Variants in ANKS1B observed in about 807,000 individuals in gnomAD.
ANKS1B encodes ankyrin repeat and sterile alpha motif domain-containing protein 1B.
A neutral mutation model predicts 148.3 loss-of-function variants in ANKS1B; 36 were observed. That is an observed-to-expected ratio of 0.24 (90% confidence interval 0.19 to 0.32). The LOEUF (loss-of-function observed/expected upper bound fraction) is 0.32. Among genes scored for constraint, ANKS1B ranks in the 10% least tolerant of loss-of-function variants. The probability of loss-of-function intolerance (pLI) is 1.00; values close to 1 mark genes in which losing one functional copy is unlikely to be tolerated. For missense variants in ANKS1B, 1,157 were observed against 1,542.6 expected (o/e 0.75, Z 4.19); for synonymous variants, 542 against 560.8 (o/e 0.97, Z 0.47).
chr12:98,740,551 T>C (rs910214930), downstream of ANKS1B, among the ~76,000 whole-genome samples: 3 of 152,200 alleles, frequency 2.0e-5, no homozygotes, highest in African/African-American at 7.2e-5. Context: ...CACCAATCCC[T>C]CTTACAGGCA....
At chr12:99,235,630 C>T (rs2087757579) in intron 14 of ANKS1B, among the ~76,000 whole-genome samples, 1 of 152,206 alleles carries the variant, frequency 6.6e-6, no homozygotes, top group Non-Finnish European at 1.5e-5. Flanking sequence ...TGTGAGAGAA[C>T]TGGCTACATA....
intron 17 of ANKS1B, among the ~76,000 whole-genome samples, chr12:98,978,808 T>TAAC (rs1158344140): frequency 6.6e-6 from 1 of 152,150 alleles, no homozygotes; most frequent in Admixed American, 6.5e-5. Context: ...TATATAATAA[T>TAAC]AACATATTTT....
At chr12:99,544,192 G>A (rs192855503) in intron 9 of ANKS1B, among the ~76,000 whole-genome samples, 54 of 152,190 alleles carry the variant, frequency 3.5e-4, no homozygotes, top group Non-Finnish European at 4.3e-4. Context: ...AATAAGTCTG[G>A]GTAATATGTG....
intron 17 of ANKS1B, among the ~76,000 whole-genome samples, chr12:98,846,577 C>T (rs749780754): frequency 6.6e-6 from 1 of 152,220 alleles, no homozygotes; most frequent in East Asian, 1.9e-4. Flanking sequence ...GATATGGAGA[C>T]AACTGATGAT....
chr12:99,632,364 T>A lies in ANKS1B; in HGVS notation c.1272+22703A>T, dbSNP rs555279966. Among the ~76,000 whole-genome samples the A allele has an allele frequency of 1.3e-4, 19 of 151,390 alleles. No homozygotes were observed. In the East Asian group the frequency reaches 3.6e-3, roughly 29 times the overall value. On this transcript the variant is annotated intron_variant, in intron 9 of 26. Coordinates refer to ENST00000683438, the MANE Select transcript of ANKS1B (RefSeq NM_001352186.2). ...GAAAGGAGTGACCACAGACAGCCCCTGCTAGAGCAAGAAAAAGTGGAAATG... is the reference window on the plus strand; with the variant it reads ...GAAAGGAGTGACCACAGACAGCCCCAGCTAGAGCAAGAAAAAGTGGAAATG...
At chr12:99,810,291 C>A (rs12300073) in intron 3 of ANKS1B, among the ~76,000 whole-genome samples, 39,593 of 151,702 alleles carry the variant, frequency 0.26, 5,504 homozygotes, top group Middle Eastern at 0.34. Context: ...TAGAACAGTG[C>A]CCGCTTTACC....
intron 12 of ANKS1B, among the ~76,000 whole-genome samples, chr12:99,299,162 GTAA>G (rs1222843600): frequency 6.6e-6 from 1 of 151,954 alleles, no homozygotes; most frequent in Non-Finnish European, 1.5e-5. Flanking sequence ...CTGGGCTCTA[GTAA>G]TCCTCCCACT....
intron 9 of ANKS1B, chr12:98,735,693 A>AAAT (rs2097769214): frequency 1.4e-6 from 1 of 694,674 alleles, no homozygotes; most frequent in African/African-American, 1.7e-5. Flanking sequence ...TTTGTTTAAT[A>AAAT]AATATTGAGA....
intron 1 of ANKS1B, among the ~76,000 whole-genome samples, chr12:99,899,522 T>C (rs527868412): frequency 9.2e-5 from 14 of 152,184 alleles, no homozygotes; most frequent in Non-Finnish European, 1.8e-4. Flanking sequence ...AAAAATATAC[T>C]AATATATATT....
chr12:99,148,625 A>T (rs1448348777), intron 15 of ANKS1B, among the ~76,000 whole-genome samples: 1 of 152,166 alleles, frequency 6.6e-6, no homozygotes, highest in Non-Finnish European at 1.5e-5. Flanking sequence ...CATTTCTTCT[A>T]GACTACTCAT....
chr12:98,815,376 T>G (rs1316810958), intron 19 of ANKS1B, among the ~76,000 whole-genome samples: 3 of 152,226 alleles, frequency 2.0e-5, no homozygotes, highest in Non-Finnish European at 4.4e-5. Flanking sequence ...TGATCACTCC[T>G]CCATTCCTTA....
intron 19 of ANKS1B, among the ~76,000 whole-genome samples, chr12:98,816,837 G>A (rs538137773): frequency 6.6e-6 from 1 of 152,212 alleles, no homozygotes; most frequent in African/African-American, 2.4e-5. Flanking sequence ...AGAGCAAGTA[G>A]ATGACAGCTC....
At chr12:99,131,313 A>C (rs957291354) in intron 15 of ANKS1B, among the ~76,000 whole-genome samples, 1 of 152,224 alleles carries the variant, frequency 6.6e-6, no homozygotes, top group African/African-American at 2.4e-5. Context: ...GCTTATTAAG[A>C]TGACTTTTCA....
intron 8 of ANKS1B, among the ~76,000 whole-genome samples, chr12:99,709,287 A>G (rs2056292689): frequency 6.6e-6 from 1 of 152,120 alleles, no homozygotes; most frequent in African/African-American, 2.4e-5. Context: ...TATAACAACT[A>G]TGGGTGCTGG....
chr12:99,463,069 T>C (rs2096012720), intron 10 of ANKS1B, among the ~76,000 whole-genome samples: 1 of 152,150 alleles, frequency 6.6e-6, no homozygotes. Flanking sequence ...CAAAATGGAA[T>C]AACACATGCT....
At chr12:99,213,002 C>G (rs1410717747) in intron 14 of ANKS1B, among the ~76,000 whole-genome samples, 1 of 152,200 alleles carries the variant, frequency 6.6e-6, no homozygotes, top group African/African-American at 2.4e-5. Flanking sequence ...AGGATTCACA[C>G]CTAGGTCAGT....
chr12:99,035,812 A>C (rs1421552823), intron 17 of ANKS1B, among the ~76,000 whole-genome samples: 1 of 152,166 alleles, frequency 6.6e-6, no homozygotes, highest in Non-Finnish European at 1.5e-5. Flanking sequence ...GAGTAAGGGC[A>C]TGTCTGGAAA....
At chr12:98,969,290 G>A (rs1451431343) in intron 17 of ANKS1B, among the ~76,000 whole-genome samples, 1 of 152,188 alleles carries the variant, frequency 6.6e-6, no homozygotes, top group African/African-American at 2.4e-5. Context: ...CCCAGGAAGA[G>A]GGCCAGGTGC....
intron 14 of ANKS1B, among the ~76,000 whole-genome samples, chr12:99,158,252 C>A (rs962913216): frequency 1.3e-5 from 2 of 152,106 alleles, no homozygotes; most frequent in South Asian, 4.1e-4. Flanking sequence ...TCTTAAAATT[C>A]TTAAAGCATA....
Sources: allele counts gnomAD v4.1 joint callset (sites outside exome capture counted in the v4.1 genomes callset), GRCh38; gene constraint gnomAD v4.1.1; transcripts MANE v1.5; gene names NCBI Gene and HGNC (gene_info 2026-07-23, HGNC 2026-07-21).